Variants in GART observed in about 807,000 individuals in gnomAD.
GART encodes the protein trifunctional purine biosynthetic protein adenosine-3.
In GART, 43 loss-of-function variants were observed where a neutral mutation model predicts 107.2. The ratio of observed to expected loss-of-function variants is 0.40; its 90% CI spans 0.31 to 0.52. GART has a LOEUF of 0.52. GART is among the 20% of genes least tolerant of loss of function. The probability of loss-of-function intolerance (pLI) is 0.52; values close to 1 mark genes in which losing one functional copy is unlikely to be tolerated. For synonymous variants in GART, 434 were observed against 427.0 expected, an observed-to-expected ratio of 1.02 and a Z score of -0.20; for missense variants, 1,107 against 1,206.5, an observed-to-expected ratio of 0.92 and a Z score of 1.22.
intron 2 of GART, among the ~76,000 whole-genome samples, chr21:33,538,462 G>T (rs1199700500): frequency 6.6e-6 from 1 of 151,938 alleles, no homozygotes; most frequent in East Asian, 1.9e-4. Flanking sequence ...CAAACTGCTG[G>T]GCTCAAGAGA....
Position 33,535,308 on chromosome 21 carries a change from CT to C in GART, c.157del (p.Ser53ValfsTer18). 1.2e-6 allele frequency: 1 copy of C among 853,814 alleles called. No individual in the cohort carries two copies. Among genetic ancestry groups the C allele is most frequent in the Non-Finnish European group, 1.7e-6 (1 of 577,272 alleles). 52.9% of individuals were successfully genotyped at this position (853,814 alleles called of 1,614,324 possible). On this transcript the variant is annotated frameshift_variant, in exon 3 of 22. Transcript: ENST00000381815. LOFTEE classifies it high-confidence loss of function. ...EKISNTAISI[S>X]DHTALAQFCK... ...GAATTGAGCAAGGGCAGTGTGGTCA[CT>C]GATTGAGATGGCTGTAAACAGAAAA...
At chr21:33,527,098 ATTTC>A (rs1424405578) in intron 10 of GART, among the ~76,000 whole-genome samples, 3 of 152,184 alleles carry the variant, frequency 2.0e-5, no homozygotes, top group African/African-American at 4.8e-5. Flanking sequence ...GTTCTGGCCC[ATTTC>A]TTTCTTTGTC....
At position 33,503,950 on chromosome 21, in the gene GART, T is replaced by C; in HGVS notation, c.*174A>G. 1.9e-6 allele frequency: 1 copy of C among 533,576 alleles called. No individual in the cohort carries two copies. The highest frequency in any genetic ancestry group is 3.2e-6 in the Non-Finnish European group (1 of 309,282). The allele number at this position is 533,576 out of a possible 1,614,324, so 33.1% of individuals were successfully genotyped here. On this transcript the variant is annotated 3_prime_UTR_variant, in exon 22 of 22. Coordinates refer to ENST00000381815, the MANE Select transcript of GART (RefSeq NM_000819.5). ...ACTGTATGTCTCAGATATGCTGCAC[T>C]AACTAGTCTTGTTTTTAGTGAGTCT... is the stretch of plus-strand genomic sequence containing the variant.
At chr21:33,505,729 C>T in intron 19 of GART, 27 bp from the exon 20 acceptor site, 1 of 1,556,660 alleles carries the variant, frequency 6.4e-7, no homozygotes, top group African/African-American at 1.4e-5. Flanking sequence ...TAAGCACAAC[C>T]CTTTTCAATG....
chr21:33,519,413 G>C (rs1420547868), intron 14 of GART, among the ~76,000 whole-genome samples: 1 of 152,068 alleles, frequency 6.6e-6, no homozygotes, highest in African/African-American at 2.4e-5. Flanking sequence ...AATTAGCCGG[G>C]TGTGGTGGCG....
At chr21:33,516,400 A>T (rs1351272475) in intron 16 of GART, among the ~76,000 whole-genome samples, 1 of 152,182 alleles carries the variant, frequency 6.6e-6, no homozygotes. Flanking sequence ...CTTGGCTATA[A>T]CTATTACTAC....
chr21:33,532,258 C>A, intron 5 of GART, 87 bp downstream of exon 5: 1 of 895,650 alleles, frequency 1.1e-6, no homozygotes, highest in Non-Finnish European at 1.8e-6. Flanking sequence ...ATAGATTTTC[C>A]TTATTGTGAG....
chr21:33,518,041 T>C (rs1265143327), intron 14 of GART, among the ~76,000 whole-genome samples: 3 of 152,222 alleles, frequency 2.0e-5, no homozygotes, highest in Non-Finnish European at 4.4e-5. Flanking sequence ...TTAAAAAGTA[T>C]AGCATTTTAC....
intron 11 of GART, 85 bp from the exon 12 acceptor site, chr21:33,522,367 C>G: frequency 9.2e-7 from 1 of 1,087,060 alleles, no homozygotes; most frequent in East Asian, 2.6e-5. Flanking sequence ...GAAGATATCC[C>G]AAGTGATTTT....
chr21:33,528,829 T>G lies in GART; in HGVS notation c.811+21A>C. On this transcript the variant is annotated intron_variant, in intron 8 of 21. Coordinates refer to ENST00000381815, the MANE Select transcript of GART (RefSeq NM_000819.5). ...AAAGTTACTCTATAGGTGGCTTCCA[T>G]AGTAATGTGGGTGGGCCTACCTGTA... is the stretch of plus-strand genomic sequence containing the variant. 3 of 1,542,270 alleles carry G rather than the reference T, an allele frequency of 1.9e-6. No individual in the cohort carries two copies. In the South Asian group the frequency reaches 3.4e-5, roughly 18 times the overall value.
rs1460309861 is a variant in GART at position 33,521,052 on chromosome 21, A to G, written c.1394-37T>C. 7 of 1,500,930 alleles carry G rather than the reference A, an allele frequency of 4.7e-6. No individual in the cohort carries two copies. In the East Asian group the frequency reaches 1.6e-4, roughly 34 times the overall value. 93.0% of individuals were successfully genotyped at this position (1,500,930 alleles called of 1,614,324 possible). On this transcript the variant is annotated intron_variant, in intron 12 of 21. Coordinates refer to ENST00000381815, the MANE Select transcript of GART (RefSeq NM_000819.5). The stretch of plus-strand genomic sequence containing the variant: ...GAAATTAATTACTTGCTACATTTTA[A>G]TAGATTAAACATGTAATTATTTAAA...
Position 33,534,581 on chromosome 21 carries a change from C to T in GART, c.414G>A (p.Leu138=). The part of the protein sequence containing the change: ...TKPEEACSFI[L]SADFPALVVK... Reference sequence around the variant, plus strand: ...TTCACAGACAACCATTTACCTACCTCAAAATGAAGCTGCAGGCTTCTTCAG... The same window carrying T: ...TTCACAGACAACCATTTACCTACCTTAAAATGAAGCTGCAGGCTTCTTCAG... The change falls in exon 4 of 22, where the codon TTG becomes TTA. Residue 138 remains leucine (L), a splice_region_variant and synonymous_variant. Coordinates refer to ENST00000381815, the MANE Select transcript of GART (RefSeq NM_000819.5). The T allele has an allele frequency of 6.2e-7, 1 of 1,614,062 alleles. No homozygotes were observed. Among genetic ancestry groups the T allele is most frequent in the Non-Finnish European group, 8.5e-7 (1 of 1,179,984 alleles).
chr21:33,540,068 G>C (rs1004419177), intron 1 of GART, among the ~76,000 whole-genome samples: 1 of 152,142 alleles, frequency 6.6e-6, no homozygotes, highest in African/African-American at 2.4e-5. Flanking sequence ...ATAAATTAAA[G>C]GATATACTGA....
At position 33,505,657 on chromosome 21, in the gene GART, C is replaced by T; in HGVS notation, c.2629G>A (p.Ala877Thr). The T allele has an allele frequency of 6.2e-7, 1 of 1,611,856 alleles. No homozygotes were observed. Among genetic ancestry groups the T allele is most frequent in the Non-Finnish European group, 8.5e-7 (1 of 1,178,620 alleles). ...AACTCTTCAAGGACTAGGTCAATTG[C>T]ACTGTCAAATTCTACACGATTTTTA... ...LYKNRVEFDS[A>T]IDLVLEEFSI... The change falls in exon 20 of 22, where the codon GCA becomes ACA. Residue 877 changes from alanine (A) to threonine (T), a missense_variant. Transcript: ENST00000381815.
At chr21:33,540,231 C>T (rs1274092082) in intron 1 of GART, among the ~76,000 whole-genome samples, 1 of 152,144 alleles carries the variant, frequency 6.6e-6, no homozygotes, top group East Asian at 1.9e-4. Flanking sequence ...CATAAACAGG[C>T]AGTGGGTCAG....
At chr21:33,535,977 A>G (rs1370033743) in intron 2 of GART, among the ~76,000 whole-genome samples, 1 of 152,052 alleles carries the variant, frequency 6.6e-6, no homozygotes, top group African/African-American at 2.4e-5. Context: ...GCAGTGAGCC[A>G]AGATCGCACC....
At chr21:33,528,361 G>A (rs1433016980) in intron 9 of GART, 26 bp from the exon 10 acceptor site, 1 of 1,608,516 alleles carries the variant, frequency 6.2e-7, no homozygotes, top group African/African-American at 1.3e-5. Context: ...CCACATGGCA[G>A]GTGGGATAAA....
rs748205437 is a variant in GART at position 33,505,962 on chromosome 21, C to T, written c.2583+12G>A. ...ATGGCCCACAGCAAAGATATTTTCC[C>T]AAGTAACTTACTCTAGTGGGAATAC... is the stretch of plus-strand genomic sequence containing the variant. On this transcript the variant is annotated intron_variant, in intron 19 of 21. Coordinates refer to ENST00000381815, the MANE Select transcript of GART (RefSeq NM_000819.5). 6.2e-7 allele frequency: 1 copy of T among 1,613,630 alleles called. No homozygotes were observed. The highest frequency in any genetic ancestry group is 8.5e-7 in the Non-Finnish European group (1 of 1,179,804).
Position 33,520,765 on chromosome 21 carries a change from T to C in GART, c.1503+141A>G, listed in dbSNP as rs2084958888. The stretch of plus-strand genomic sequence containing the variant: ...AAATAATAATTTGTTATTAGAAATG[T>C]GCAGATATTTTAGCCATTTTACATG... On this transcript the variant is annotated intron_variant, in intron 13 of 21. Coordinates refer to ENST00000381815, the MANE Select transcript of GART (RefSeq NM_000819.5). 8.3e-6 allele frequency: 6 copies of C among 723,856 alleles called. No homozygotes were observed. In the Admixed American group the frequency reaches 1.5e-4, roughly 18 times the overall value. The allele number at this position is 723,856 out of a possible 1,614,324, so 44.8% of individuals were successfully genotyped here. A position where few individuals can be genotyped will look rare whatever the true frequency, so the allele number is the denominator to read the frequency against.
Sources: gnomAD v4.1 joint callset for allele counts (sites outside exome capture counted in the v4.1 genomes callset) on GRCh38, gnomAD v4.1.1 for gene constraint, MANE v1.5 for transcripts, NCBI Gene and HGNC (gene_info 2026-07-23, HGNC 2026-07-21) for gene names.